The following COL15A1 variants were observed in gnomAD, a reference collection of about 807,000 sequenced individuals.
COL15A1 encodes the protein collagen type XV alpha 1 chain.
In COL15A1, 111 loss-of-function variants were observed where a neutral mutation model predicts 165.9. The observed-to-expected ratio is 0.67, with a 90% CI of 0.57 to 0.78. The LOEUF (loss-of-function observed/expected upper bound fraction) is 0.78, where lower values mean the gene tolerates loss of function less well. COL15A1 is among the 30% of genes least tolerant of loss of function. The pLI, the probability that COL15A1 is intolerant of heterozygous loss-of-function variation, is 0.00. For missense variants in COL15A1, 1,745 were observed against 1,789.7 expected, an observed-to-expected ratio of 0.98 and a Z score of 0.45; for synonymous variants, 659 against 674.8, an observed-to-expected ratio of 0.98 and a Z score of 0.36.
chr9:99,038,581 G>A, intron 21 of COL15A1, 87 bp from the exon 22 acceptor site: 2 of 833,588 alleles, frequency 2.4e-6, no homozygotes, highest in Admixed American at 3.5e-5. Flanking sequence ...CGCTATGCTG[G>A]GTGACTTTAA....
chr9:98,992,458 C>T (rs749567044), intron 5 of COL15A1, among the ~76,000 whole-genome samples: 8 of 152,228 alleles, frequency 5.3e-5, no homozygotes, highest in Non-Finnish European at 1.0e-4. Context: ...AAGCGCTGCA[C>T]GCAGCCCTGG....
intron 16 of COL15A1, 104 bp downstream of exon 16, chr9:99,026,070 G>A (rs1346785237): frequency 7.2e-6 from 8 of 1,107,718 alleles, no homozygotes; most frequent in Non-Finnish European, 6.4e-6. Flanking sequence ...CTGACCCCCT[G>A]GCCTCCTGAA....
intron 2 of COL15A1, among the ~76,000 whole-genome samples, chr9:98,982,710 T>C (rs995433220): frequency 6.6e-6 from 1 of 152,060 alleles, no homozygotes; most frequent in Non-Finnish European, 1.5e-5. Context: ...GGCATGATCA[T>C]GGCTCACTGC....
intron 2 of COL15A1, among the ~76,000 whole-genome samples, chr9:98,979,216 T>C (rs1564024418): frequency 6.6e-6 from 1 of 152,210 alleles, no homozygotes; most frequent in Non-Finnish European, 1.5e-5. Flanking sequence ...CTTTATCTGT[T>C]AAAAAATTCA....
Position 98,986,118 on chromosome 9 carries a change from T to C in COL15A1, c.648+6T>C, listed in dbSNP as rs1369449164. The C allele has an allele frequency of 6.2e-7, 1 of 1,608,730 alleles. No individual in the cohort carries two copies. The highest frequency in any genetic ancestry group is 1.1e-5 in the South Asian group (1 of 90,922). ...CAGGGCTCGAGAGATTCACTGTGAG[T>C]TAAAGTCCCACTCCAGGTAGATCAG... On this transcript the variant is annotated splice_donor_region_variant and intron_variant, in intron 3 of 41. Coordinates refer to ENST00000375001, the MANE Select transcript of COL15A1 (RefSeq NM_001855.5).
chr9:99,023,154 G>A (rs1839056206), intron 13 of COL15A1, among the ~76,000 whole-genome samples: 1 of 152,170 alleles, frequency 6.6e-6, no homozygotes, highest in African/African-American at 2.4e-5. Context: ...GGACATGAGT[G>A]GGCTGCACAG....
chr9:99,048,093 C>T (rs148965248), intron 28 of COL15A1, 93 bp downstream of exon 28: 8 of 766,240 alleles, frequency 1.0e-5, no homozygotes, highest in Non-Finnish European at 1.9e-5. Context: ...ACTGAATGTT[C>T]AGGAATGTTG....
intron 2 of COL15A1, among the ~76,000 whole-genome samples, chr9:98,974,876 C>T (rs1838117534): frequency 6.6e-6 from 1 of 152,206 alleles, no homozygotes; most frequent in South Asian, 2.1e-4. Flanking sequence ...TCAGCCTTTC[C>T]CAGCACTCGG....
At chr9:99,016,941 C>G (rs1294138021) in intron 11 of COL15A1, among the ~76,000 whole-genome samples, 2 of 152,238 alleles carry the variant, frequency 1.3e-5, no homozygotes, top group African/African-American at 4.8e-5. Context: ...GAGATCAGGA[C>G]AGCCCCCTGA....
At chr9:99,015,311 C>A (rs577940550) in intron 9 of COL15A1, 106 bp from the exon 10 acceptor site, 1 of 739,296 alleles carries the variant, frequency 1.4e-6, no homozygotes, top group Non-Finnish European at 2.4e-6. Context: ...AATCATGGAG[C>A]CTCCAGTTAT....
intron 12 of COL15A1, among the ~76,000 whole-genome samples, chr9:99,021,146 T>A (rs1839020206): frequency 6.6e-6 from 1 of 152,232 alleles, no homozygotes; most frequent in African/African-American, 2.4e-5. Context: ...TGGCTGCCTC[T>A]GGGAGCCTTC....
intron 8 of COL15A1, among the ~76,000 whole-genome samples, chr9:99,003,861 G>A (rs1057010121): frequency 5.3e-5 from 8 of 152,222 alleles, no homozygotes; most frequent in Non-Finnish European, 1.0e-4. Context: ...AGGGGCTGTG[G>A]TCAGTGGTAG....
intron 16 of COL15A1, among the ~76,000 whole-genome samples, chr9:99,031,901 G>A (rs1433152876): frequency 3.9e-5 from 6 of 152,076 alleles, no homozygotes; most frequent in Non-Finnish European, 5.9e-5. Context: ...TCTGTAGATG[G>A]CAAACTTTCT....
chr9:99,012,975 C>G (rs1408541485), intron 9 of COL15A1, among the ~76,000 whole-genome samples: 1 of 152,100 alleles, frequency 6.6e-6, no homozygotes, highest in Non-Finnish European at 1.5e-5. Context: ...GCTGAGACTA[C>G]AGGCATGAAC....
intron 35 of COL15A1, among the ~76,000 whole-genome samples, chr9:99,057,877 G>A (rs974887047): frequency 6.6e-6 from 1 of 152,198 alleles, no homozygotes; most frequent in Non-Finnish European, 1.5e-5. Flanking sequence ...TGACTTTGGG[G>A]CTGGGGCTTT....
At chr9:98,993,359 T>A (rs1210545607) in intron 5 of COL15A1, among the ~76,000 whole-genome samples, 1 of 152,212 alleles carries the variant, frequency 6.6e-6, no homozygotes, top group East Asian at 1.9e-4. Context: ...TGGGGCCTCC[T>A]GGTTGGCCAG....
chr9:98,981,617 A>C (rs1056205036), intron 2 of COL15A1, among the ~76,000 whole-genome samples: 1 of 152,236 alleles, frequency 6.6e-6, no homozygotes, highest in Non-Finnish European at 1.5e-5. Flanking sequence ...ATGGTTCTAC[A>C]TTCTGTTAGA....
At chr9:98,996,500 G>A (rs535166789) in intron 5 of COL15A1, among the ~76,000 whole-genome samples, 20 of 152,328 alleles carry the variant, frequency 1.3e-4, no homozygotes, top group African/African-American at 4.1e-4. Context: ...AACCACACCC[G>A]TCTTTCATTT....
chr9:99,059,288 G>A (rs148512777), intron 35 of COL15A1, among the ~76,000 whole-genome samples: 14 of 152,288 alleles, frequency 9.2e-5, no homozygotes, highest in East Asian at 1.9e-4. Context: ...AGTTCTCACC[G>A]CAGCCCAGGG....
Sources: allele counts gnomAD v4.1 joint callset (sites outside exome capture counted in the v4.1 genomes callset), GRCh38; gene constraint gnomAD v4.1.1; transcripts MANE v1.5; gene names NCBI Gene and HGNC (gene_info 2026-07-23, HGNC 2026-07-21).